EXT2: variants seen among roughly 807,000 people sequenced by gnomAD.
EXT2 encodes the protein exostosin-2.
A neutral mutation model predicts 81.6 loss-of-function variants in EXT2; 53 were observed. That is an observed-to-expected ratio of 0.65 (90% confidence interval 0.52 to 0.82). EXT2 has a LOEUF of 0.82. Among genes scored for constraint, EXT2 ranks in the 40% least tolerant of loss-of-function variants. EXT2 has a pLI of 0.00. For synonymous variants in EXT2, 320 were observed against 340.0 expected (o/e 0.94, Z 0.65); for missense variants, 774 against 910.2 (o/e 0.85, Z 1.93).
intron 4 of EXT2, 52 bp downstream of exon 4, chr11:44,114,353 T>C (rs1954191643): frequency 1.3e-6 from 2 of 1,528,860 alleles, no homozygotes; most frequent in African/African-American, 1.4e-5. Context: ...CTGTGAGATG[T>C]TGATGAGGTT....
At chr11:44,149,322 A>C (rs1194254387) in intron 7 of EXT2, among the ~76,000 whole-genome samples, 1 of 152,208 alleles carries the variant, frequency 6.6e-6, no homozygotes, top group Non-Finnish European at 1.5e-5. Flanking sequence ...TGATCATGCC[A>C]CTGCACTTCA....
intron 7 of EXT2, among the ~76,000 whole-genome samples, chr11:44,139,553 C>T (rs764296159): frequency 2.6e-5 from 4 of 151,966 alleles, no homozygotes; most frequent in Non-Finnish European, 4.4e-5. Flanking sequence ...GTGCCCTCTG[C>T]CTCTTCACTT....
chr11:44,144,383 T>G, intron 7 of EXT2: 336 of 1,476,958 alleles, frequency 2.3e-4, no homozygotes, highest in Non-Finnish European at 3.0e-4. Flanking sequence ...AATGAATCTC[T>G]AGTCTCTTTG....
chr11:44,185,547 A>G (rs974502026), intron 8 of EXT2, among the ~76,000 whole-genome samples: 1 of 152,042 alleles, frequency 6.6e-6, no homozygotes, highest in Non-Finnish European at 1.5e-5. Context: ...AGAAGCAGAG[A>G]TGGAGCACAG....
At chr11:44,167,080 G>A (rs1009306247) in intron 7 of EXT2, among the ~76,000 whole-genome samples, 3 of 152,164 alleles carry the variant, frequency 2.0e-5, no homozygotes, top group Non-Finnish European at 2.9e-5. Context: ...CTTCTCTGAC[G>A]GTACTTGCCA....
At chr11:44,146,236 A>G (rs895684975) in intron 7 of EXT2, among the ~76,000 whole-genome samples, 8 of 152,126 alleles carry the variant, frequency 5.3e-5, no homozygotes, top group African/African-American at 1.7e-4. Flanking sequence ...TTTTCACTTA[A>G]TCACCTCTTT....
In EXT2 at chr11:44,099,186, G is replaced by A. The variant is rs1375101629; in HGVS notation, c.-31+3334G>A. ...CTGGCTAATTTTTGGGTTTTTTTTTGTTTGTTTGTTCGTTTTTGAGACGGA... is the reference window on the plus strand; with the variant it reads ...CTGGCTAATTTTTGGGTTTTTTTTTATTTGTTTGTTCGTTTTTGAGACGGA... On this transcript the variant is annotated intron_variant, in intron 1 of 13. Coordinates refer to ENST00000533608, the MANE Select transcript of EXT2 (RefSeq NM_207122.2). 2.6e-5 allele frequency among the ~76,000 whole-genome samples: 4 copies of A among 151,136 alleles called. No homozygotes were observed. In the East Asian group the frequency reaches 7.8e-4, roughly 29 times the overall value.
At chr11:44,121,572 C>T (rs1344341841) in intron 4 of EXT2, among the ~76,000 whole-genome samples, 1 of 151,830 alleles carries the variant, frequency 6.6e-6, no homozygotes, top group Non-Finnish European at 1.5e-5. Flanking sequence ...CTTCTGTTGC[C>T]CCCCTGCCCC....
intron 10 of EXT2, among the ~76,000 whole-genome samples, chr11:44,221,619 T>C (rs1176603030): frequency 6.6e-6 from 1 of 152,186 alleles, no homozygotes; most frequent in East Asian, 1.9e-4. Context: ...GGAATTTGTC[T>C]TCATGGGCTG....
chr11:44,207,098 C>A (rs1369631547), intron 10 of EXT2, 139 bp downstream of exon 10: 3 of 954,012 alleles, frequency 3.1e-6, no homozygotes, highest in African/African-American at 1.6e-5. Flanking sequence ...AAAAGGTGTG[C>A]GTAAGAGTGT....
At chr11:44,191,284 G>A (rs558947065) in intron 8 of EXT2, among the ~76,000 whole-genome samples, 4 of 152,240 alleles carry the variant, frequency 2.6e-5, no homozygotes, top group Admixed American at 1.3e-4. Flanking sequence ...CAAGAGGTGA[G>A]CAAGGCATTT....
chr11:44,108,202 A>C lies in EXT2; in HGVS notation c.490A>C (p.Thr164Pro), dbSNP rs1565196692. 1 of 1,613,788 alleles carries C rather than the reference A, an allele frequency of 6.2e-7. No homozygotes were observed. The highest frequency in any genetic ancestry group is 1.3e-5 in the African/African-American group (1 of 75,044). The change falls in exon 2 of 14, where the codon ACA becomes CCA. Residue 164 changes from threonine to proline, a missense_variant. Physicochemically the swap from Thr to Pro is conservative, Grantham distance 38. Coordinates refer to ENST00000533608, the MANE Select transcript of EXT2 (RefSeq NM_207122.2). ...VPSIDVLNQN[T>P]LRIKETAQAM... The stretch of plus-strand genomic sequence containing the variant: ...CTCCATCGATGTGCTTAACCAGAAC[A>C]CACTGCGCATCAAGGAGACAGCACA...
intron 10 of EXT2, among the ~76,000 whole-genome samples, chr11:44,229,264 T>C (rs889154990): frequency 2.0e-5 from 3 of 152,212 alleles, no homozygotes; most frequent in Admixed American, 2.0e-4. Flanking sequence ...CTGGGCTCTA[T>C]AAAACTGTAA....
At chr11:44,108,307 T>C (rs1372850774) in intron 2 of EXT2, 59 bp downstream of exon 2, 4 of 1,558,484 alleles carry the variant, frequency 2.6e-6, no homozygotes, top group African/African-American at 2.7e-5. Context: ...CTCAGGGAAC[T>C]AAAGGGAAGG....
At position 44,244,764 on chromosome 11, in the gene EXT2, CA is replaced by C. The variant is rs995060073; in HGVS notation, c.*481del. ...AGGGAACCAAACCCAGAATTCGGTGCAAAAGCCAAACATCTTGGTGGGATTT... is the reference window on the plus strand; with the variant it reads ...AGGGAACCAAACCCAGAATTCGGTGCAAAGCCAAACATCTTGGTGGGATTT... On this transcript the variant is annotated 3_prime_UTR_variant, in exon 14 of 14. Transcript: ENST00000533608. 3.9e-6 allele frequency: 1 copy of C among 259,006 alleles called. No individual in the cohort carries two copies. Among genetic ancestry groups the C allele is most frequent in the Non-Finnish European group, 7.5e-6 (1 of 132,816 alleles). 16.0% of individuals were successfully genotyped at this position (259,006 alleles called of 1,614,324 possible). A position where few individuals can be genotyped will look rare whatever the true frequency, so the allele number is the denominator to read the frequency against.
chr11:44,112,255 G>A (rs899197885), intron 3 of EXT2, among the ~76,000 whole-genome samples: 2 of 152,206 alleles, frequency 1.3e-5, no homozygotes, highest in Non-Finnish European at 2.9e-5. Context: ...TGGAGAGGAA[G>A]GCTCAGTGTC....
intron 1 of EXT2, among the ~76,000 whole-genome samples, chr11:44,102,447 G>C (rs944531001): frequency 2.7e-4 from 41 of 151,080 alleles, no homozygotes; most frequent in African/African-American, 9.5e-4. Flanking sequence ...CCTGTTGCCT[G>C]TCTCCTTGCT....
chr11:44,152,639 C>T (rs1192940359), intron 7 of EXT2, among the ~76,000 whole-genome samples: 1 of 152,198 alleles, frequency 6.6e-6, no homozygotes, highest in Non-Finnish European at 1.5e-5. Flanking sequence ...GCATGAGCCA[C>T]TGCACCCTGC....
At chr11:44,216,020 G>C (rs1955714734) in intron 10 of EXT2, among the ~76,000 whole-genome samples, 1 of 152,034 alleles carries the variant, frequency 6.6e-6, no homozygotes, top group Non-Finnish European at 1.5e-5. Flanking sequence ...GGGACTACAG[G>C]CGCCCGCCAC....
Sources: allele counts gnomAD v4.1 joint callset (sites outside exome capture counted in the v4.1 genomes callset), GRCh38; gene constraint gnomAD v4.1.1; transcripts MANE v1.5; gene names NCBI Gene and HGNC (gene_info 2026-07-23, HGNC 2026-07-21).